SPN: variants seen among roughly 807,000 people sequenced by gnomAD.
SPN encodes sialophorin, also known as leukosialin.
In SPN, 6 loss-of-function variants were observed where a neutral mutation model predicts 8.4. That is an observed-to-expected ratio of 0.72 (90% CI 0.39 to 1.42). The LOEUF (loss-of-function observed/expected upper bound fraction) is 1.42. Among genes scored for constraint, SPN ranks in the 40% most tolerant of loss-of-function variants. The pLI is 0.02. For missense variants in SPN, 517 were observed against 530.6 expected, an observed-to-expected ratio of 0.97 and a Z score of 0.25; for synonymous variants, 201 against 222.6, an observed-to-expected ratio of 0.90 and a Z score of 0.86.
In SPN at chr16:29,664,244, A is replaced by G; in HGVS notation, c.516A>G (p.Ala172=). The change falls in exon 2 of 2, where the codon GCA becomes GCG. Residue 172 remains alanine (A), a synonymous_variant. Transcript: ENST00000652691. The surrounding 1 kb of genome is among the most constrained non-coding windows in gnomAD (Gnocchi z 6.4). ...CCTCTGGACCCCCTCTTACCATGGCAACTGTCTCTCTGGAGACTTCCAAAG... is the reference window on the plus strand; with the variant it reads ...CCTCTGGACCCCCTCTTACCATGGCGACTGTCTCTCTGGAGACTTCCAAAG... ...RGTSGPPLTM[A]TVSLETSKGT... 1 of 1,613,712 alleles carries G rather than the reference A, an allele frequency of 6.2e-7. No individual in the cohort carries two copies. Among genetic ancestry groups the G allele is most frequent in the East Asian group, 2.2e-5 (1 of 44,838 alleles).
chr16:29,669,180 T>C lies in SPN; in HGVS notation c.*4249T>C, dbSNP rs930809204. On this transcript the variant is annotated 3_prime_UTR_variant, in exon 2 of 2. Coordinates refer to ENST00000652691, the MANE Select transcript of SPN (RefSeq NM_003123.6). ...GGAGCAGTTCAATATAGAGTCTTTT[T>C]TGAACAAACGTGAAATAGATGTCTT... 3 of 166,932 alleles carry C rather than the reference T, an allele frequency of 1.8e-5. No individual in the cohort carries two copies. In the Admixed American group the frequency reaches 2.0e-4, roughly 11 times the overall value. 10.3% of individuals were successfully genotyped at this position (166,932 alleles called of 1,614,324 possible). A position where few individuals can be genotyped will look rare whatever the true frequency, so the allele number is the denominator to read the frequency against.
chr16:29,666,552 A>ACACACGTG lies in SPN; in HGVS notation c.*1622_*1623insACACGTGC, dbSNP rs139174583. ...CACACACACACACACACACACACACACGCGCGCGCGCGCGCGCTCTCCTGC... is the reference window on the plus strand; with the variant it reads ...CACACACACACACACACACACACACACACACGTGCGCGCGCGCGCGCGCGCTCTCCTGC... On this transcript the variant is annotated 3_prime_UTR_variant, in exon 2 of 2. Coordinates refer to ENST00000652691, the MANE Select transcript of SPN (RefSeq NM_003123.6). The ACACACGTG allele has an allele frequency of 7.1e-6, 1 of 141,258 alleles. No homozygotes were observed. The highest frequency in any genetic ancestry group is 8.4e-5 in the Admixed American group (1 of 11,932). The allele number at this position is 141,258 out of a possible 1,614,324, so 8.8% of individuals were successfully genotyped here.
Position 29,666,549 on chromosome 16 carries a change from C to CACACACACACAA in SPN, c.*1622_*1623insACACACAAACAC, listed in dbSNP as rs1310621917. The CACACACACACAA allele has an allele frequency of 9.8e-6, 2 of 203,134 alleles. No homozygotes were observed. Among genetic ancestry groups the CACACACACACAA allele is most frequent in the African/African-American group, 5.2e-5 (2 of 38,368 alleles). 12.6% of individuals were successfully genotyped at this position (203,134 alleles called of 1,614,324 possible). On this transcript the variant is annotated 3_prime_UTR_variant, in exon 2 of 2. Coordinates refer to ENST00000652691, the MANE Select transcript of SPN (RefSeq NM_003123.6). ...TCACACACACACACACACACACACACACACGCGCGCGCGCGCGCGCTCTCC... is the reference window on the plus strand; with the variant it reads ...TCACACACACACACACACACACACACACACACACACAAACACGCGCGCGCGCGCGCGCTCTCC...
At position 29,664,469 on chromosome 16, in the gene SPN, C is replaced by T; in HGVS notation, c.741C>T (p.Asn247=). Residue 247 remains asparagine, a synonymous_variant, in exon 2 of 2, where the codon AAC becomes AAT. Transcript: ENST00000652691. This position sits in a 1 kb window ranked among gnomAD's most constrained non-coding sequence, Gnocchi z 6.4. ...STNASTVPFR[N]PDENSRGMLP... is the part of the protein sequence containing the mutation. ...ACGCAAGCACTGTGCCCTTCCGGAA[C>T]CCAGATGAGAACTCACGAGGCATGC... 1.2e-6 allele frequency: 2 copies of T among 1,614,244 alleles called. No homozygotes were observed. The highest frequency in any genetic ancestry group is 1.7e-6 in the Non-Finnish European group (2 of 1,180,044).
chr16:29,664,831 G>C lies in SPN; in HGVS notation c.1103G>C (p.Ser368Thr). Residue 368 changes from serine to threonine, a missense_variant, in exon 2 of 2, where the codon AGC (serine) becomes ACC (threonine). Coordinates refer to ENST00000652691, the MANE Select transcript of SPN (RefSeq NM_003123.6). The surrounding 1 kb of genome is among the most constrained non-coding windows in gnomAD (Gnocchi z 6.4). ...MEELKSGSGP[S>T]LKGEEEPLVA... ...GAGCTGAAGTCTGGGTCAGGCCCCAGCCTCAAAGGGGAGGAGGAGCCACTG... is the reference window on the plus strand; with the variant it reads ...GAGCTGAAGTCTGGGTCAGGCCCCACCCTCAAAGGGGAGGAGGAGCCACTG... 1 of 1,500,280 alleles carries C rather than the reference G, an allele frequency of 6.7e-7. No individual in the cohort carries two copies. Among genetic ancestry groups the C allele is most frequent in the Non-Finnish European group, 8.9e-7 (1 of 1,127,936 alleles). 92.9% of individuals were successfully genotyped at this position (1,500,280 alleles called of 1,614,324 possible).
Position 29,667,407 on chromosome 16 carries a change from A to G in SPN, c.*2476A>G, listed in dbSNP as rs1013976483. 1 of 193,744 alleles carries G rather than the reference A, an allele frequency of 5.2e-6. No homozygotes were observed. Among genetic ancestry groups the G allele is most frequent in the African/African-American group, 2.3e-5 (1 of 42,908 alleles). 12.0% of individuals were successfully genotyped at this position (193,744 alleles called of 1,614,324 possible). ...AGTCAGGTCCTGGGCGAATCCTGAA[A>G]AAAAGAGGTAGTACGGGTAAGGAAG... is the stretch of plus-strand genomic sequence containing the variant. On this transcript the variant is annotated 3_prime_UTR_variant, in exon 2 of 2. Coordinates refer to ENST00000652691, the MANE Select transcript of SPN (RefSeq NM_003123.6).
In SPN at chr16:29,664,994, A is replaced by C; in HGVS notation, c.*63A>C. The C allele has an allele frequency of 7.7e-7, 1 of 1,298,508 alleles. No individual in the cohort carries two copies. The highest frequency in any genetic ancestry group is 3.2e-5 in the South Asian group (1 of 30,818). 80.4% of individuals were successfully genotyped at this position (1,298,508 alleles called of 1,614,324 possible). A position where few individuals can be genotyped will look rare whatever the true frequency, so the allele number is the denominator to read the frequency against. On this transcript the variant is annotated 3_prime_UTR_variant, in exon 2 of 2. Coordinates refer to ENST00000652691, the MANE Select transcript of SPN (RefSeq NM_003123.6). This position sits in a 1 kb window ranked among gnomAD's most constrained non-coding sequence, Gnocchi z 6.4. The stretch of plus-strand genomic sequence containing the variant: ...GCCAGCCTCCAGCACCTTCCCTCTC[A>C]CCATCCCACTGCCCCCTCGCTCCCA...
chr16:29,665,040 A>T lies in SPN; in HGVS notation c.*109A>T. 8.5e-7 allele frequency: 1 copy of T among 1,176,988 alleles called. No homozygotes were observed. Among genetic ancestry groups the T allele is most frequent in the Non-Finnish European group, 1.1e-6 (1 of 924,128 alleles). 72.9% of individuals were successfully genotyped at this position (1,176,988 alleles called of 1,614,324 possible). On this transcript the variant is annotated 3_prime_UTR_variant, in exon 2 of 2. Coordinates refer to ENST00000652691, the MANE Select transcript of SPN (RefSeq NM_003123.6). ...TCCCATGTTTCCACCCGGCACCCTG[A>T]TCCTCACCCGAATCTCCTTTTTTTT...
Position 29,666,587 on chromosome 16 carries a change from CA to C in SPN, c.*1657del, listed in dbSNP as rs897325761. On this transcript the variant is annotated 3_prime_UTR_variant, in exon 2 of 2. Coordinates refer to ENST00000652691, the MANE Select transcript of SPN (RefSeq NM_003123.6). ...GCGCGCGCTCTCCTGCGAACAGAGG[CA>C]GGGGGAGAGGGGTTTGCCCTGGTCT... is the stretch of plus-strand genomic sequence containing the variant. The C allele has an allele frequency of 1.6e-5, 4 of 246,194 alleles. No homozygotes were observed. The South Asian group carries it at 1.8e-4, about 11-fold the overall frequency. 15.3% of individuals were successfully genotyped at this position (246,194 alleles called of 1,614,324 possible).
In SPN at chr16:29,667,965, CAT is replaced by C. The variant is rs1461263703; in HGVS notation, c.*3035_*3036del. On this transcript the variant is annotated 3_prime_UTR_variant, in exon 2 of 2. Transcript: ENST00000652691. ...ATGTGCCTGTGTGTGTATGTGTGCACATGTGTGTGCGCATGTGTGTGTGTGCG... is the reference window on the plus strand; with the variant it reads ...ATGTGCCTGTGTGTGTATGTGTGCACGTGTGTGCGCATGTGTGTGTGTGCG... 6.0e-6 allele frequency: 1 copy of C among 166,408 alleles called. No individual in the cohort carries two copies. Among genetic ancestry groups the C allele is most frequent in the Non-Finnish European group, 1.5e-5 (1 of 68,176 alleles). The allele number at this position is 166,408 out of a possible 1,614,324, so 10.3% of individuals were successfully genotyped here. A position where few individuals can be genotyped will look rare whatever the true frequency, so the allele number is the denominator to read the frequency against.
Position 29,664,615 on chromosome 16 carries a change from G to T in SPN, c.887G>T (p.Arg296Leu), listed in dbSNP as rs368719670. The T allele has an allele frequency of 6.3e-7, 1 of 1,596,926 alleles. No homozygotes were observed. Among genetic ancestry groups the T allele is most frequent in the South Asian group, 1.1e-5 (1 of 88,602 alleles). Residue 296 changes from arginine (R) to leucine (L), a missense_variant, in exon 2 of 2, where the codon CGT (arginine) becomes CTT (leucine). Coordinates refer to ENST00000652691, the MANE Select transcript of SPN (RefSeq NM_003123.6). The surrounding 1 kb of genome is among the most constrained non-coding windows in gnomAD (Gnocchi z 6.4). ...GALVLSRGGK[R>L]NGVVDAWAGP... ...CTCGTGCTGAGCAGAGGCGGCAAGC[G>T]TAACGGGGTGGTGGACGCCTGGGCT...
rs1393302305 is a variant in SPN, at chr16:29,670,731, TA to T, written c.*5801del. On this transcript the variant is annotated 3_prime_UTR_variant, in exon 2 of 2. Transcript: ENST00000652691. Reference sequence around the variant, plus strand: ...AAATTCCCAACCATATATGCACTTATAGGGAAACAAAGGACCCATCGCAAAT... The same window carrying T: ...AAATTCCCAACCATATATGCACTTATGGGAAACAAAGGACCCATCGCAAAT... 1 of 455,808 alleles carries T rather than the reference TA, an allele frequency of 2.2e-6. No individual in the cohort carries two copies. Among genetic ancestry groups the T allele is most frequent in the Non-Finnish European group, 4.4e-6 (1 of 226,740 alleles). The allele number at this position is 455,808 out of a possible 1,614,324, so 28.2% of individuals were successfully genotyped here.
chr16:29,665,757 C>T lies in SPN; in HGVS notation c.*826C>T, dbSNP rs1304728667. ...CAAGGGCTGTGGAACCTGGGCAGCC[C>T]GCAACCACCTTTAGCTCTGGGCCCC... On this transcript the variant is annotated 3_prime_UTR_variant, in exon 2 of 2. Transcript: ENST00000652691. 3.0e-5 allele frequency: 5 copies of T among 167,044 alleles called. No homozygotes were observed. The highest frequency in any genetic ancestry group is 2.4e-5 in the African/African-American group (1 of 41,458). 10.3% of individuals were successfully genotyped at this position (167,044 alleles called of 1,614,324 possible).
At position 29,668,461 on chromosome 16, in the gene SPN, C is replaced by T. The variant is rs910107418; in HGVS notation, c.*3530C>T. On this transcript the variant is annotated 3_prime_UTR_variant, in exon 2 of 2. Transcript: ENST00000652691. ...ATGAATGAATGAATGGAGATGACGC[C>T]TCAGAGATTCTTTCTTTTGAGATGA... The T allele has an allele frequency of 2.0e-5, 3 of 152,052 alleles. No individual in the cohort carries two copies. 9.4% of individuals were successfully genotyped at this position (152,052 alleles called of 1,614,324 possible).
In SPN at chr16:29,670,863, A is replaced by G. The variant is rs1596776491; in HGVS notation, c.*5932A>G. ...CATACAATAAATATCTGTTACTTTT[A>G]CAATATGAAAAAATAGTGGTCAAAA... On this transcript the variant is annotated 3_prime_UTR_variant, in exon 2 of 2. Coordinates refer to ENST00000652691, the MANE Select transcript of SPN (RefSeq NM_003123.6). 5 of 452,482 alleles carry G rather than the reference A, an allele frequency of 1.1e-5. No individual in the cohort carries two copies. In the East Asian group the frequency reaches 3.5e-4, roughly 32 times the overall value. The allele number at this position is 452,482 out of a possible 1,614,324, so 28.0% of individuals were successfully genotyped here. A position where few individuals can be genotyped will look rare whatever the true frequency, so the allele number is the denominator to read the frequency against.
chr16:29,667,125 C>T lies in SPN; in HGVS notation c.*2194C>T, dbSNP rs1966827227. The stretch of plus-strand genomic sequence containing the variant: ...AAGAGCTGAGCTCGGATGGAACCAG[C>T]TTCTACCAGCCAGGCTGGGCACCCA... On this transcript the variant is annotated 3_prime_UTR_variant, in exon 2 of 2. Transcript: ENST00000652691. The T allele has an allele frequency of 2.3e-6, 1 of 434,738 alleles. No individual in the cohort carries two copies. Among genetic ancestry groups the T allele is most frequent in the African/African-American group, 2.0e-5 (1 of 49,182 alleles). 26.9% of individuals were successfully genotyped at this position (434,738 alleles called of 1,614,324 possible). A position where few individuals can be genotyped will look rare whatever the true frequency, so the allele number is the denominator to read the frequency against.
At position 29,670,758 on chromosome 16, in the gene SPN, G is replaced by A. The variant is rs2142287053; in HGVS notation, c.*5827G>A. The A allele has an allele frequency of 2.2e-6, 1 of 455,916 alleles. No individual in the cohort carries two copies. Among genetic ancestry groups the A allele is most frequent in the Middle Eastern group, 3.3e-4 (1 of 3,068 alleles). The allele number at this position is 455,916 out of a possible 1,614,324, so 28.2% of individuals were successfully genotyped here. On this transcript the variant is annotated 3_prime_UTR_variant, in exon 2 of 2. Transcript: ENST00000652691. ...GGGAAACAAAGGACCCATCGCAAAT[G>A]TTTTCCATGCTGATCTCCAAAGTGG... is the stretch of plus-strand genomic sequence containing the variant.
At position 29,670,166 on chromosome 16, in the gene SPN, C is replaced by G. The variant is rs1428510717; in HGVS notation, c.*5235C>G. 1.3e-5 allele frequency: 2 copies of G among 154,998 alleles called. No homozygotes were observed. Among genetic ancestry groups the G allele is most frequent in the African/African-American group, 4.8e-5 (2 of 41,516 alleles). The allele number at this position is 154,998 out of a possible 1,614,324, so 9.6% of individuals were successfully genotyped here. On this transcript the variant is annotated 3_prime_UTR_variant, in exon 2 of 2. Coordinates refer to ENST00000652691, the MANE Select transcript of SPN (RefSeq NM_003123.6). Reference sequence around the variant, plus strand: ...TGAGCTGTGATCATGCCACTGCACTCCAGCCTGGGCAATAGTGTGAGACTC... The same window carrying G: ...TGAGCTGTGATCATGCCACTGCACTGCAGCCTGGGCAATAGTGTGAGACTC...
At position 29,666,064 on chromosome 16, in the gene SPN, GTACA is replaced by G. The variant is rs1360912142; in HGVS notation, c.*1134_*1137del. On this transcript the variant is annotated 3_prime_UTR_variant, in exon 2 of 2. Transcript: ENST00000652691. ...CGATGCTTGGGAGGGGTAGTTGTGG[GTACA>G]GACGGTGTGGGGGTGGGAAGTGGTG... 1.8e-5 allele frequency: 3 copies of G among 167,194 alleles called. No individual in the cohort carries two copies. Among genetic ancestry groups the G allele is most frequent in the Non-Finnish European group, 2.9e-5 (2 of 68,236 alleles). The allele number at this position is 167,194 out of a possible 1,614,324, so 10.4% of individuals were successfully genotyped here.
Sources: allele counts gnomAD v4.1 joint callset, GRCh38; gene constraint gnomAD v4.1.1; non-coding constraint Gnocchi (gnomAD v3.1); transcripts MANE v1.5; gene names NCBI Gene and HGNC (gene_info 2026-07-23, HGNC 2026-07-21).